Variants in PCLO observed in about 807,000 individuals in gnomAD.
PCLO encodes the protein protein piccolo.
A neutral mutation model predicts 427.5 loss-of-function variants in PCLO; 82 were observed. That is an observed-to-expected ratio of 0.19 (90% CI 0.16 to 0.23). PCLO has a LOEUF of 0.23. PCLO is among the 10% of genes least tolerant of loss of function. PCLO has a pLI of 1.00. For synonymous variants in PCLO, 2,357 were observed against 2,155.4 expected (o/e 1.09, Z -2.59); for missense variants, 6,239 against 6,115.9 (o/e 1.02, Z -0.67).
intron 3 of PCLO, among the ~76,000 whole-genome samples, chr7:83,063,564 G>C (rs566392801): frequency 8.9e-4 from 135 of 152,238 alleles, no homozygotes; most frequent in African/African-American, 3.2e-3. Flanking sequence ...GCTGGTGCAA[G>C]TTTTCTGAGT....
intron 3 of PCLO, among the ~76,000 whole-genome samples, chr7:83,095,573 A>G (rs956420447): frequency 2.6e-5 from 4 of 151,624 alleles, no homozygotes; most frequent in African/African-American, 9.7e-5. Flanking sequence ...AGTGCTATAA[A>G]TTTTCCTCTC....
intron 3 of PCLO, among the ~76,000 whole-genome samples, chr7:83,076,505 C>T (rs1222296534): frequency 6.6e-6 from 1 of 152,038 alleles, no homozygotes; most frequent in African/African-American, 2.4e-5. Flanking sequence ...TCAGGTGATC[C>T]GCCTGGCTCA....
chr7:83,129,803 A>G (rs1791524967), intron 3 of PCLO, among the ~76,000 whole-genome samples: 1 of 152,204 alleles, frequency 6.6e-6, no homozygotes, highest in African/African-American at 2.4e-5. Context: ...TTACTCAGAT[A>G]CAGAACTACT....
chr7:83,057,323 T>TATATATATATATA (rs1562942303), intron 3 of PCLO, among the ~76,000 whole-genome samples: 1 of 9,268 alleles, frequency 1.1e-4, no homozygotes, highest in East Asian at 4.6e-3. Flanking sequence ...TATACATATA[T>TATATATATATATA]ATATATATAT....
At chr7:83,108,791 A>G (rs1241511183) in intron 3 of PCLO, among the ~76,000 whole-genome samples, 1 of 152,194 alleles carries the variant, frequency 6.6e-6, no homozygotes. Flanking sequence ...GAAAGAGATT[A>G]TATTATCATT....
intron 9 of PCLO, among the ~76,000 whole-genome samples, chr7:82,902,258 G>T (rs1794061503): frequency 6.6e-6 from 1 of 151,474 alleles, no homozygotes; most frequent in African/African-American, 2.4e-5. Flanking sequence ...AAAAAATGAT[G>T]AGTTCATGTC....
At chr7:83,072,023 ATTT>A (rs1172436829) in intron 3 of PCLO, among the ~76,000 whole-genome samples, 1 of 151,838 alleles carries the variant, frequency 6.6e-6, no homozygotes, top group East Asian at 1.9e-4. Context: ...CAAATTTCTT[ATTT>A]TAAGTTTAAT....
intron 3 of PCLO, among the ~76,000 whole-genome samples, chr7:83,001,451 GA>G (rs201764463): frequency 1.3e-5 from 2 of 148,538 alleles, no homozygotes; most frequent in Non-Finnish European, 3.0e-5. Context: ...TATGTCTAAT[GA>G]AAAAAAAATC....
intron 10 of PCLO, among the ~76,000 whole-genome samples, chr7:82,869,926 A>T (rs1793189904): frequency 6.6e-6 from 1 of 152,018 alleles, no homozygotes; most frequent in Admixed American, 6.6e-5. Flanking sequence ...TTCAATGGAT[A>T]AAAAATAGAA....
At chr7:82,854,925 A>C (rs1792763510) in intron 10 of PCLO, among the ~76,000 whole-genome samples, 1 of 152,122 alleles carries the variant, frequency 6.6e-6, no homozygotes, top group Non-Finnish European at 1.5e-5. Context: ...TATTTTTAAA[A>C]CTTTTCATCA....
intron 10 of PCLO, among the ~76,000 whole-genome samples, chr7:82,850,455 T>G (rs1231254883): frequency 6.6e-6 from 1 of 152,162 alleles, no homozygotes; most frequent in African/African-American, 2.4e-5. Flanking sequence ...GAACTTAGTA[T>G]TAACATAAAA....
At chr7:82,862,162 C>A (rs1792973454) in intron 10 of PCLO, among the ~76,000 whole-genome samples, 1 of 151,726 alleles carries the variant, frequency 6.6e-6, no homozygotes, top group African/African-American at 2.4e-5. Context: ...CTCAACAAAA[C>A]CAAAAATTGG....
chr7:82,870,347 G>A (rs568786874), intron 10 of PCLO, among the ~76,000 whole-genome samples: 2 of 151,936 alleles, frequency 1.3e-5, no homozygotes, highest in Non-Finnish European at 2.9e-5. Flanking sequence ...CAAAAGGATA[G>A]TCTTTTTAAG....
At chr7:83,110,832 C>T (rs903580033) in intron 3 of PCLO, among the ~76,000 whole-genome samples, 1 of 152,290 alleles carries the variant, frequency 6.6e-6, no homozygotes, top group African/African-American at 2.4e-5. Flanking sequence ...AACCCATCTC[C>T]TCCACTAGAG....
At chr7:83,104,062 A>G (rs902055755) in intron 3 of PCLO, among the ~76,000 whole-genome samples, 2 of 152,014 alleles carry the variant, frequency 1.3e-5, no homozygotes, top group African/African-American at 2.4e-5. Flanking sequence ...AAAGCCTTTT[A>G]TTCTCTAAAA....
At chr7:82,797,512 A>T (rs77765921) in intron 22 of PCLO, among the ~76,000 whole-genome samples, 1,547 of 152,270 alleles carry the variant, frequency 0.01, 16 homozygotes, top group African/African-American at 0.035. Context: ...GGTCGTGTAT[A>T]GCTCTCATTG....
chr7:82,761,004 T>C (rs941148079), intron 23 of PCLO, among the ~76,000 whole-genome samples: 6 of 132,038 alleles, frequency 4.5e-5, no homozygotes, highest in African/African-American at 1.7e-4. Context: ...CAGTCTGGAA[T>C]GCAGTGGCCA....
chr7:82,801,994 T>G (rs959619386), intron 21 of PCLO, among the ~76,000 whole-genome samples: 1 of 152,108 alleles, frequency 6.6e-6, no homozygotes, highest in Admixed American at 6.5e-5. Flanking sequence ...TTATTCCAGT[T>G]TTTTTGGTAA....
intron 6 of PCLO, among the ~76,000 whole-genome samples, chr7:82,928,595 G>A (rs1794769444): frequency 6.6e-6 from 1 of 151,988 alleles, no homozygotes; most frequent in South Asian, 2.1e-4. Flanking sequence ...TGTTGGTCTC[G>A]AACTCCTGAC....
Sources: gnomAD v4.1 joint callset for allele counts (sites outside exome capture counted in the v4.1 genomes callset) on GRCh38, gnomAD v4.1.1 for gene constraint, MANE v1.5 for transcripts, NCBI Gene and HGNC (gene_info 2026-07-23, HGNC 2026-07-21) for gene names.